The following TNFAIP8 variants were observed in gnomAD, a reference collection of about 807,000 sequenced individuals.
The protein encoded by TNFAIP8 is TNF alpha induced protein 8.
TNFAIP8 carries 7 observed loss-of-function variants against 13.3 expected under a neutral mutation model. The observed-to-expected ratio is 0.52, with a 90% confidence interval of 0.30 to 0.99. The LOEUF is 0.99. TNFAIP8 is among the 50% of genes least tolerant of loss of function. The pLI is 0.07. For synonymous variants in TNFAIP8, 94 were observed against 87.6 expected, an observed-to-expected ratio of 1.07 and a Z score of -0.41; for missense variants, 258 against 236.9, an observed-to-expected ratio of 1.09 and a Z score of -0.58.
intron 1 of TNFAIP8, among the ~76,000 whole-genome samples, chr5:119,348,519 GC>G (rs1750989770): frequency 2.0e-5 from 3 of 152,092 alleles, no homozygotes; most frequent in South Asian, 4.1e-4. Context: ...GTTTGTCAAG[GC>G]AATTCTGGAT....
chr5:119,368,450 TGTGTGTGTGC>T lies in TNFAIP8; in HGVS notation c.31+12339_31+12348del, dbSNP rs758589508. 3.1e-3 allele frequency among the ~76,000 whole-genome samples: 434 copies of T among 138,730 alleles called. 4 individuals carry two copies. The highest frequency in any genetic ancestry group is 0.01 in the African/African-American group (357 of 35,600). 91.0% of individuals were successfully genotyped at this position (138,730 alleles called of 152,430 possible). Reference sequence around the variant, plus strand: ...AGCAGCGTGTGTGTGTGTGTGTGTGTGTGTGTGTGCGTGTGTGTGTTTGTGTTGGGGTTTA... The same window carrying T: ...AGCAGCGTGTGTGTGTGTGTGTGTGTGTGTGTGTGTTTGTGTTGGGGTTTA... On this transcript the variant is annotated intron_variant, in intron 1 of 1. Transcript: ENST00000504771.
chr5:119,286,984 A>G (rs545771302), intron 1 of TNFAIP8, among the ~76,000 whole-genome samples: 1 of 152,054 alleles, frequency 6.6e-6, no homozygotes, highest in African/African-American at 2.4e-5. Flanking sequence ...TAAACCCTGC[A>G]TTGTTCCAGA....
intron 1 of TNFAIP8, among the ~76,000 whole-genome samples, chr5:119,359,772 A>C (rs922835304): frequency 3.3e-5 from 5 of 152,244 alleles, no homozygotes; most frequent in African/African-American, 9.6e-5. Flanking sequence ...TGCAGAGGGA[A>C]TGAAGAGAAA....
rs966934883 is a variant in TNFAIP8 at position 119,308,577 on chromosome 5, C to A, written c.1+39670C>A. Among the ~76,000 whole-genome samples the A allele has an allele frequency of 5.9e-5, 9 of 151,814 alleles. No homozygotes were observed. The South Asian group carries it at 1.7e-3, about 28-fold the overall frequency. ...AAGCTTTTTTGGTCTTTCTTAAGAC[C>A]ATTCTAGGCTGGGCACAGTGGCTCA... On this transcript the variant is annotated intron_variant, in intron 1 of 1. Coordinates refer to the TNFAIP8 transcript ENST00000274456.
At chr5:119,326,623 A>C (rs1003714205) in intron 1 of TNFAIP8, among the ~76,000 whole-genome samples, 6 of 152,212 alleles carry the variant, frequency 3.9e-5, no homozygotes, top group Non-Finnish European at 7.4e-5. Context: ...TTCTAGGTAC[A>C]CATGGCAGTG....
chr5:119,396,034 A>G lies in TNFAIP8; in HGVS notation c.*2653A>G, dbSNP rs936414768. On this transcript the variant is annotated 3_prime_UTR_variant, in exon 2 of 2. Transcript: ENST00000504771. ...TGTGTCGGGCACATTAACTCATTTA[A>G]TTCTGCCACAATCTTCACCATCTTA... 1 of 152,218 alleles carries G rather than the reference A, an allele frequency of 6.6e-6. No individual in the cohort carries two copies. The highest frequency in any genetic ancestry group is 2.4e-5 in the African/African-American group (1 of 41,448). 9.4% of individuals were successfully genotyped at this position (152,218 alleles called of 1,614,324 possible).
At chr5:119,269,302 G>C (rs909495576) in intron 1 of TNFAIP8, among the ~76,000 whole-genome samples, 1 of 152,172 alleles carries the variant, frequency 6.6e-6, no homozygotes, top group Non-Finnish European at 1.5e-5. Flanking sequence ...CACTGCCCGG[G>C]TTATCAGGGT....
At chr5:119,296,124 C>A (rs1749168061) in intron 1 of TNFAIP8, among the ~76,000 whole-genome samples, 4 of 149,262 alleles carry the variant, frequency 2.7e-5, no homozygotes, top group Admixed American at 2.7e-4. Flanking sequence ...TTATTTCCTT[C>A]TCCTGCCTAA....
chr5:119,293,095 G>A (rs1205612625), intron 1 of TNFAIP8, among the ~76,000 whole-genome samples: 4 of 152,010 alleles, frequency 2.6e-5, no homozygotes, highest in Non-Finnish European at 1.5e-5. Flanking sequence ...ACTAAAAACT[G>A]TATATACATG....
chr5:119,332,723 T>TA (rs1167647184), intron 1 of TNFAIP8, among the ~76,000 whole-genome samples: 1 of 152,208 alleles, frequency 6.6e-6, no homozygotes, highest in African/African-American at 2.4e-5. Flanking sequence ...ACTTGAATCT[T>TA]ACTTGGGGGA....
intron 1 of TNFAIP8, among the ~76,000 whole-genome samples, chr5:119,308,392 C>CTTT (rs57948080): frequency 3.9e-5 from 5 of 129,262 alleles, no homozygotes; most frequent in Non-Finnish European, 8.3e-5. Flanking sequence ...CGTTTCCCAC[C>CTTT]TTTTTTTTTT....
chr5:119,337,736 T>C (rs962273746), intron 1 of TNFAIP8, among the ~76,000 whole-genome samples: 4 of 152,252 alleles, frequency 2.6e-5, no homozygotes, highest in African/African-American at 4.8e-5. Flanking sequence ...GTTTACCATC[T>C]AAACTGGAGC....
intron 1 of TNFAIP8, among the ~76,000 whole-genome samples, chr5:119,347,786 G>A (rs1348153383): frequency 5.9e-5 from 9 of 152,148 alleles, no homozygotes. Flanking sequence ...TTTTTCTGTT[G>A]AGTGTCAGCC....
chr5:119,347,858 G>A (rs1361846501), intron 1 of TNFAIP8, among the ~76,000 whole-genome samples: 1 of 152,090 alleles, frequency 6.6e-6, no homozygotes, highest in African/African-American at 2.4e-5. Flanking sequence ...GTCATCAGTT[G>A]GCACAATTGT....
At chr5:119,303,587 G>A (rs1024929053) in intron 1 of TNFAIP8, among the ~76,000 whole-genome samples, 1 of 152,168 alleles carries the variant, frequency 6.6e-6, no homozygotes, top group African/African-American at 2.4e-5. Flanking sequence ...AAAAAGATGT[G>A]TAATGGCATA....
intron 1 of TNFAIP8, among the ~76,000 whole-genome samples, chr5:119,336,222 C>T (rs1750548054): frequency 1.3e-5 from 2 of 152,318 alleles, no homozygotes; most frequent in South Asian, 4.1e-4. Flanking sequence ...TTCTCATTTA[C>T]AAATGCAACG....
chr5:119,281,879 G>C (rs1333369849), intron 1 of TNFAIP8, among the ~76,000 whole-genome samples: 1 of 152,150 alleles, frequency 6.6e-6, no homozygotes, highest in Non-Finnish European at 1.5e-5. Context: ...ATAAAACTTG[G>C]TCTGTGACCT....
chr5:119,369,560 G>A (rs1580430578), intron 1 of TNFAIP8, among the ~76,000 whole-genome samples: 1 of 152,170 alleles, frequency 6.6e-6, no homozygotes, highest in Non-Finnish European at 1.5e-5. Flanking sequence ...ATATTTTGCA[G>A]AATTAAAACT....
chr5:119,390,238 A>G (rs1335200283), intron 1 of TNFAIP8, among the ~76,000 whole-genome samples: 2 of 152,202 alleles, frequency 1.3e-5, no homozygotes, highest in African/African-American at 4.8e-5. Context: ...TTTATATGTA[A>G]TATATTACTG....
Sources: gnomAD v4.1 joint callset for allele counts (sites outside exome capture counted in the v4.1 genomes callset) on GRCh38, gnomAD v4.1.1 for gene constraint, MANE v1.5 for transcripts, NCBI Gene and HGNC (gene_info 2026-07-23, HGNC 2026-07-21) for gene names.